The following CDC42EP4 variants were observed in gnomAD, a reference collection of about 807,000 sequenced individuals.
CDC42EP4 encodes the protein CDC42 effector protein (Rho GTPase binding) 4.
A neutral mutation model predicts 5.6 loss-of-function variants in CDC42EP4; 6 were observed. The observed-to-expected ratio is 1.07, with a 90% confidence interval of 0.59 to 2.12. The LOEUF is 2.12. CDC42EP4 is among the 30% of genes most tolerant of loss of function. CDC42EP4 has a pLI of 0.00. For missense variants in CDC42EP4, 490 were observed against 508.6 expected, an observed-to-expected ratio of 0.96 and a Z score of 0.35; for synonymous variants, 230 against 224.2, an observed-to-expected ratio of 1.03 and a Z score of -0.23.
chr17:73,303,569 G>C (rs2062230246), intron 1 of CDC42EP4, among the ~76,000 whole-genome samples: 1 of 151,490 alleles, frequency 6.6e-6, no homozygotes, highest in Admixed American at 6.6e-5. Context: ...GGCTGAGATA[G>C]GAGAATCGCT....
Position 73,285,814 on chromosome 17 carries a change from C to T in CDC42EP4, c.687G>A (p.Glu229=). Residue 229 remains glutamate, a synonymous_variant, in exon 2 of 2, where the codon GAG becomes GAA. Transcript: ENST00000335793. The surrounding 1 kb of genome is among the most constrained non-coding windows in gnomAD (Gnocchi z 6.8). ...GDVLSIMDKE[E]WDPEEGEGGY... The stretch of plus-strand genomic sequence containing the variant: ...CACCCTCCCCCTCCTCGGGGTCCCA[C>T]TCCTCCTTGTCCATGATGCTGAGGA... The T allele has an allele frequency of 6.2e-7, 1 of 1,609,012 alleles. No individual in the cohort carries two copies. The highest frequency in any genetic ancestry group is 8.5e-7 in the Non-Finnish European group (1 of 1,175,800).
At chr17:73,287,513 G>T (rs974454864) in intron 1 of CDC42EP4, among the ~76,000 whole-genome samples, 1 of 152,204 alleles carries the variant, frequency 6.6e-6, no homozygotes, top group African/African-American at 2.4e-5. Context: ...GAGCCCAGGA[G>T]CCTGGAGGCA....
In CDC42EP4 at chr17:73,284,850, A is replaced by G. The variant is rs1350479846; in HGVS notation, c.*580T>C. On this transcript the variant is annotated 3_prime_UTR_variant, in exon 2 of 2. Coordinates refer to ENST00000335793, the MANE Select transcript of CDC42EP4 (RefSeq NM_012121.5). ...CTGGAAAGGGCTGCGTTTAGTGCAC[A>G]TGCTCGCAGCTGGCCCCCCGTCCAG... 6.6e-6 allele frequency: 1 copy of G among 152,148 alleles called. No homozygotes were observed. The highest frequency in any genetic ancestry group is 1.5e-5 in the Non-Finnish European group (1 of 68,056). The allele number at this position is 152,148 out of a possible 1,614,324, so 9.4% of individuals were successfully genotyped here. A position where few individuals can be genotyped will look rare whatever the true frequency, so the allele number is the denominator to read the frequency against.
intron 1 of CDC42EP4, among the ~76,000 whole-genome samples, chr17:73,298,007 A>C (rs1214178889): frequency 6.3e-5 from 9 of 143,974 alleles, no homozygotes; most frequent in African/African-American, 2.3e-4. Flanking sequence ...AAAAAAAAAA[A>C]AAAACCCAAA....
chr17:73,304,928 C>T (rs1288303439), intron 1 of CDC42EP4, among the ~76,000 whole-genome samples: 1 of 152,202 alleles, frequency 6.6e-6, no homozygotes, highest in Non-Finnish European at 1.5e-5. Context: ...AACCAGCTGC[C>T]CTGCTTGTCT....
At chr17:73,310,591 G>A (rs1388203386) in intron 1 of CDC42EP4, among the ~76,000 whole-genome samples, 1 of 152,124 alleles carries the variant, frequency 6.6e-6, no homozygotes, top group Non-Finnish European at 1.5e-5. Context: ...CGTGGAGAGA[G>A]AGAAGTTCCA....
intron 1 of CDC42EP4, among the ~76,000 whole-genome samples, chr17:73,305,620 G>A (rs901246755): frequency 2.6e-5 from 4 of 152,222 alleles, no homozygotes; most frequent in African/African-American, 7.2e-5. Context: ...AAGGTGGCCT[G>A]CCACGTGGGT....
At chr17:73,289,938 G>A (rs1358107506) in intron 1 of CDC42EP4, among the ~76,000 whole-genome samples, 8 of 152,122 alleles carry the variant, frequency 5.3e-5, no homozygotes, top group Admixed American at 5.2e-4. Flanking sequence ...AAAAGAGAAG[G>A]TAGACTCTGC....
intron 1 of CDC42EP4, among the ~76,000 whole-genome samples, chr17:73,297,001 A>AAAAAAAAACAAAAAAAAAAAAACAC (rs547362762): frequency 1.6e-5 from 1 of 61,734 alleles, no homozygotes; most frequent in Non-Finnish European, 3.3e-5. Context: ...AAAAAAAAAA[A>AAAAAAAAACAAAAAAAAAAAAACAC]AAATACACAA....
chr17:73,299,945 G>T (rs1336237927), intron 1 of CDC42EP4, among the ~76,000 whole-genome samples: 4 of 152,048 alleles, frequency 2.6e-5, no homozygotes, highest in Admixed American at 6.6e-5. Context: ...GTGAGGGATG[G>T]GAAGGATCAC....
At chr17:73,303,533 G>T (rs1172367850) in intron 1 of CDC42EP4, among the ~76,000 whole-genome samples, 1 of 151,712 alleles carries the variant, frequency 6.6e-6, no homozygotes, top group Non-Finnish European at 1.5e-5. Context: ...GTGGTGGTGG[G>T]TACCTGTAAT....
In CDC42EP4 at chr17:73,284,426, C is replaced by T. The variant is rs1017090407; in HGVS notation, c.*1004G>A. 6.6e-6 allele frequency: 1 copy of T among 152,044 alleles called. No individual in the cohort carries two copies. Among genetic ancestry groups the T allele is most frequent in the Non-Finnish European group, 1.5e-5 (1 of 68,014 alleles). The allele number at this position is 152,044 out of a possible 1,614,324, so 9.4% of individuals were successfully genotyped here. On this transcript the variant is annotated 3_prime_UTR_variant, in exon 2 of 2. Transcript: ENST00000335793. ...CAGTTGTTAATAGCTATGGGAGGTG[C>T]GTAGGGAAAACACACACACCAGACA... is the stretch of plus-strand genomic sequence containing the variant.
rs71154990 is a variant in CDC42EP4 at position 73,299,444 on chromosome 17, T to TACAC, written c.-113+12445_-113+12448dup. 2.2e-3 allele frequency among the ~76,000 whole-genome samples: 285 copies of TACAC among 127,972 alleles called. 1 individual carries two copies. The highest frequency in any genetic ancestry group is 6.9e-3 in the African/African-American group (234 of 33,882). The allele number at this position is 127,972 out of a possible 152,430, so 84.0% of individuals were successfully genotyped here. ...GACTCCGTCCTAAAAAAAAAAAAAATACACACACACACACACACACACACA... is the reference window on the plus strand; with the variant it reads ...GACTCCGTCCTAAAAAAAAAAAAAATACACACACACACACACACACACACACACA... On this transcript the variant is annotated intron_variant, in intron 1 of 1. Coordinates refer to ENST00000335793, the MANE Select transcript of CDC42EP4 (RefSeq NM_012121.5).
intron 1 of CDC42EP4, among the ~76,000 whole-genome samples, chr17:73,295,403 C>T (rs192424014): frequency 6.6e-6 from 1 of 152,250 alleles, no homozygotes; most frequent in Non-Finnish European, 1.5e-5. Context: ...ATGTTTGCTA[C>T]CATCTTGCCC....
At chr17:73,303,023 G>A (rs1004929190) in intron 1 of CDC42EP4, among the ~76,000 whole-genome samples, 1 of 115,300 alleles carries the variant, frequency 8.7e-6, no homozygotes, top group East Asian at 2.8e-4. Flanking sequence ...CAGCCTGGGG[G>A]ACAGCATCAG....
intron 1 of CDC42EP4, chr17:73,310,771 A>ACACACACACACACACACGCACT (rs2062269927): frequency 2.0e-5 from 3 of 152,280 alleles, no homozygotes; most frequent in South Asian, 4.2e-4. Context: ...ACACACACAC[A>ACACACACACACACACACGCACT]CACACACACA....
intron 1 of CDC42EP4, among the ~76,000 whole-genome samples, chr17:73,292,466 G>A (rs1003892960): frequency 6.6e-6 from 1 of 151,880 alleles, no homozygotes; most frequent in Admixed American, 6.6e-5. Context: ...AAAATAGCAC[G>A]CTGTTTTCCC....
chr17:73,294,798 A>C (rs1216408278), intron 1 of CDC42EP4, among the ~76,000 whole-genome samples: 1 of 151,988 alleles, frequency 6.6e-6, no homozygotes, highest in African/African-American at 2.4e-5. Context: ...TCTAAATCCC[A>C]GTGGATTTTC....
chr17:73,300,844 C>T (rs779512772), intron 1 of CDC42EP4, among the ~76,000 whole-genome samples: 3 of 152,064 alleles, frequency 2.0e-5, no homozygotes, highest in Non-Finnish European at 2.9e-5. Flanking sequence ...GTCAGGTGTT[C>T]GAAACCAGAC....
Sources: gnomAD v4.1 joint callset for allele counts (sites outside exome capture counted in the v4.1 genomes callset) on GRCh38, gnomAD v4.1.1 for gene constraint, Gnocchi (gnomAD v3.1) non-coding constraint, MANE v1.5 for transcripts, NCBI Gene and HGNC (gene_info 2026-07-23, HGNC 2026-07-21) for gene names.